The following CYP4X1 variants were observed in gnomAD, a reference collection of about 807,000 sequenced individuals.
CYP4X1 encodes the protein cytochrome P450 family 4 subfamily X member 1, also known as cytochrome P450 4X1.
Under a neutral mutation model 57.9 loss-of-function variants are expected in CYP4X1, and 44 were observed. The observed-to-expected ratio is 0.76, with a 90% CI of 0.60 to 0.98. The LOEUF (loss-of-function observed/expected upper bound fraction) is 0.98, where lower values mean the gene tolerates loss of function less well. Among genes scored for constraint, CYP4X1 ranks in the 50% least tolerant of loss-of-function variants. CYP4X1 has a pLI of 0.00. For missense variants in CYP4X1, 532 were observed against 623.9 expected (o/e 0.85, Z 1.57); for synonymous variants, 227 against 228.6 (o/e 0.99, Z 0.06).
intron 8 of CYP4X1, among the ~76,000 whole-genome samples, chr1:47,044,941 C>T (rs552326038): frequency 1.3e-5 from 2 of 151,996 alleles, no homozygotes; most frequent in Non-Finnish European, 2.9e-5. Context: ...TCTTCTGCCT[C>T]AGCCTTCCTG....
At chr1:47,036,940 T>C (rs142483748) in intron 6 of CYP4X1, among the ~76,000 whole-genome samples, 16 of 152,314 alleles carry the variant, frequency 1.1e-4, no homozygotes, top group Non-Finnish European at 1.5e-4. Context: ...CACCAACATA[T>C]GCACACTTAC....
At chr1:46,963,534 G>T in the CYP4X1 span, among the ~76,000 whole-genome samples, 1 of 152,136 alleles carries the variant, frequency 6.6e-6, no homozygotes, top group African/African-American at 2.4e-5. Context: ...GAAATTCTGG[G>T]TGGAAAATTC....
At chr1:47,024,714 C>A (rs183112870) in intron 1 of CYP4X1, among the ~76,000 whole-genome samples, 5 of 152,226 alleles carry the variant, frequency 3.3e-5, no homozygotes, top group Admixed American at 1.3e-4. Flanking sequence ...GCAATGGGTG[C>A]TTTACTAGAG....
At chr1:47,015,779 A>C in the CYP4X1 span, among the ~76,000 whole-genome samples, 3 of 152,020 alleles carry the variant, frequency 2.0e-5, no homozygotes, top group African/African-American at 7.2e-5. Flanking sequence ...GCTATCTATG[A>C]AGTTTCTGTA....
In CYP4X1 at chr1:47,023,935, C is replaced by T. The variant is rs1343815857; in HGVS notation, c.118C>T (p.Leu40=). 1 of 1,613,390 alleles carries T rather than the reference C, an allele frequency of 6.2e-7. No individual in the cohort carries two copies. The highest frequency in any genetic ancestry group is 8.5e-7 in the Non-Finnish European group (1 of 1,179,940). ...IKLYLRRQRL[L]RDLRPFPAPP... is the part of the protein sequence containing the mutation. ...GCTGTACCTGCGGAGGCAGCGGCTG[C>T]TGCGGGACCTGCGCCCCTTCCCAGC... Residue 40 remains leucine (L), a synonymous_variant, in exon 1 of 12, where the codon CTG becomes TTG. Coordinates refer to ENST00000371901, the MANE Select transcript of CYP4X1 (RefSeq NM_178033.2).
the CYP4X1 span, among the ~76,000 whole-genome samples, chr1:47,017,347 G>C: frequency 2.6e-5 from 4 of 152,170 alleles, no homozygotes; most frequent in Non-Finnish European, 5.9e-5. Context: ...TATCAAATGA[G>C]AGGCATAAAA....
chr1:47,030,563 C>T (rs373058337), intron 2 of CYP4X1, among the ~76,000 whole-genome samples: 44 of 152,268 alleles, frequency 2.9e-4, no homozygotes, highest in Middle Eastern at 3.4e-3. Flanking sequence ...CCCATCAGAC[C>T]TCTTGATAGT....
rs1196060500 is a variant in CYP4X1, at chr1:47,046,394, G to T, written c.1074-73G>T. 1.9e-6 allele frequency: 3 copies of T among 1,590,310 alleles called. No homozygotes were observed. In the Admixed American group the frequency reaches 5.1e-5, roughly 27 times the overall value. ...TTTAACCTGAGGGTAATAATTACCA[G>T]GAACAAACAGAAAACAGAAAAAAAG... On this transcript the variant is annotated intron_variant, in intron 8 of 11. Coordinates refer to ENST00000371901, the MANE Select transcript of CYP4X1 (RefSeq NM_178033.2).
chr1:47,007,748 C>T, the CYP4X1 span, among the ~76,000 whole-genome samples: 2 of 151,988 alleles, frequency 1.3e-5, no homozygotes, highest in Admixed American at 6.6e-5. Flanking sequence ...CTGACGGAGC[C>T]GAAAACCATG....
At chr1:46,984,292 G>C in the CYP4X1 span, among the ~76,000 whole-genome samples, 1 of 150,144 alleles carries the variant, frequency 6.7e-6, no homozygotes, top group Non-Finnish European at 1.5e-5. Flanking sequence ...TCTGTGGGTT[G>C]CATTTCTTCT....
At chr1:46,972,777 A>G in the CYP4X1 span, among the ~76,000 whole-genome samples, 1 of 152,004 alleles carries the variant, frequency 6.6e-6, no homozygotes, top group Admixed American at 6.6e-5. Flanking sequence ...ATTTTTATAG[A>G]ATGATTTTGT....
At chr1:46,993,618 T>C in the CYP4X1 span, among the ~76,000 whole-genome samples, 12 of 152,302 alleles carry the variant, frequency 7.9e-5, no homozygotes, top group African/African-American at 2.4e-4. Context: ...TTTTAATGAT[T>C]GCCATTCTAA....
the CYP4X1 span, among the ~76,000 whole-genome samples, chr1:47,017,681 T>C: frequency 6.6e-5 from 10 of 152,194 alleles, no homozygotes; most frequent in African/African-American, 2.4e-4. Context: ...GCATATCTAA[T>C]TGCCCCCTTT....
At chr1:46,993,498 G>A in the CYP4X1 span, among the ~76,000 whole-genome samples, 75 of 152,196 alleles carry the variant, frequency 4.9e-4, no homozygotes, top group African/African-American at 1.7e-3. Context: ...GATCCCTGAG[G>A]AATCACCACA....
the CYP4X1 span, among the ~76,000 whole-genome samples, chr1:46,996,142 C>T: frequency 4.6e-5 from 7 of 152,152 alleles, no homozygotes; most frequent in Non-Finnish European, 2.9e-5. Context: ...AACAACTCTA[C>T]GAAACTGTTT....
chr1:47,046,927 C>G (rs992699180), intron 9 of CYP4X1, among the ~76,000 whole-genome samples: 4 of 152,190 alleles, frequency 2.6e-5, no homozygotes, highest in African/African-American at 9.7e-5. Flanking sequence ...CGAGCTGAAA[C>G]TTCATGGAAA....
the CYP4X1 span, among the ~76,000 whole-genome samples, chr1:46,977,310 C>T: frequency 4.6e-5 from 7 of 151,960 alleles, no homozygotes; most frequent in Non-Finnish European, 8.8e-5. Flanking sequence ...AACCATGGCA[C>T]GAGAACTATG....
rs1553152516 is a variant in CYP4X1, at chr1:47,036,370, T to TATATATATA, written c.775+199_775+200insATATATATA. 5.4e-3 allele frequency among the ~76,000 whole-genome samples: 705 copies of TATATATATA among 129,830 alleles called. 6 individuals carry two copies. The highest frequency in any genetic ancestry group is 7.4e-3 in the Non-Finnish European group (452 of 61,272). The allele number at this position is 129,830 out of a possible 152,430, so 85.2% of individuals were successfully genotyped here. ...AACCATAGCAGTATTATCAGAATTT[T>TATATATATA]TATATATATATATATACACTATTTT... On this transcript the variant is annotated intron_variant, in intron 6 of 11. Transcript: ENST00000371901.
chr1:46,961,884 G>T, the CYP4X1 span: 1 of 814,548 alleles, frequency 1.2e-6, no homozygotes, highest in Non-Finnish European at 1.7e-6. Flanking sequence ...CCTGTCTTAG[G>T]TTCAGTTGCT....
Sources: gnomAD v4.1 joint callset for allele counts (sites outside exome capture counted in the v4.1 genomes callset) on GRCh38, gnomAD v4.1.1 for gene constraint, MANE v1.5 for transcripts, NCBI Gene and HGNC (gene_info 2026-07-23, HGNC 2026-07-21) for gene names.